AHCTF1: variants seen among roughly 807,000 people sequenced by gnomAD.
AHCTF1 encodes protein ELYS.
AHCTF1 carries 24 observed loss-of-function variants against 248.4 expected under a neutral mutation model. That is an observed-to-expected ratio of 0.10 (90% CI 0.07 to 0.14). The LOEUF (loss-of-function observed/expected upper bound fraction) is 0.14. Ranked by LOEUF, AHCTF1 falls within the 10% of genes least tolerant of loss-of-function variation. AHCTF1 has a pLI of 1.00. For missense variants in AHCTF1, 2,206 were observed against 2,636.2 expected (o/e 0.84, Z 3.57); for synonymous variants, 786 against 929.8 (o/e 0.85, Z 2.81).
chr1:246,894,910 C>T (rs1039799696), intron 13 of AHCTF1, among the ~76,000 whole-genome samples, 162 bp from the exon 14 acceptor site: 6 of 152,134 alleles, frequency 3.9e-5, no homozygotes, highest in South Asian at 2.1e-4. Context: ...CACCACACCA[C>T]GGAGCACGTC....
chr1:246,895,758 C>T, intron 13 of AHCTF1, 77 bp downstream of exon 13: 1 of 1,238,610 alleles, frequency 8.1e-7, no homozygotes, highest in Non-Finnish European at 1.1e-6. Flanking sequence ...ATTAAAATAA[C>T]TAAGAAAAAA....
At chr1:246,859,679 G>C (rs889607515) in intron 29 of AHCTF1, among the ~76,000 whole-genome samples, 1 of 152,116 alleles carries the variant, frequency 6.6e-6, no homozygotes, top group African/African-American at 2.4e-5. Context: ...GGGTCCAAGC[G>C]ATCCTCCCCT....
chr1:246,864,486 A>C (rs933925344), intron 26 of AHCTF1, among the ~76,000 whole-genome samples: 1 of 152,218 alleles, frequency 6.6e-6, no homozygotes, highest in Admixed American at 6.5e-5. Flanking sequence ...CTATTTACTA[A>C]AATTCATTAA....
chr1:246,853,740 G>A (rs1287537505), intron 31 of AHCTF1, among the ~76,000 whole-genome samples: 4 of 152,078 alleles, frequency 2.6e-5, no homozygotes, highest in African/African-American at 9.7e-5. Context: ...AGGTACAAAT[G>A]TACTCTACTA....
intron 1 of AHCTF1, among the ~76,000 whole-genome samples, chr1:246,922,357 C>G (rs1216823310): frequency 6.6e-6 from 1 of 151,956 alleles, no homozygotes; most frequent in Non-Finnish European, 1.5e-5. Context: ...AAGACTCTGT[C>G]TCAAATAAAA....
At chr1:246,882,768 C>CA (rs1357129968) in intron 21 of AHCTF1, among the ~76,000 whole-genome samples, 3 of 152,152 alleles carry the variant, frequency 2.0e-5, no homozygotes, top group Non-Finnish European at 4.4e-5. Flanking sequence ...CTGTACGGTG[C>CA]ATCATGGTTA....
At chr1:246,902,706 C>A (rs756414195) in intron 7 of AHCTF1, 31 bp from the exon 8 acceptor site, 6 of 1,540,730 alleles carry the variant, frequency 3.9e-6, no homozygotes, top group Non-Finnish European at 5.3e-6. Context: ...AAATATTAAT[C>A]TGATTCTAGG....
At chr1:246,910,534 A>G (rs894461382) in intron 4 of AHCTF1, among the ~76,000 whole-genome samples, 2 of 152,246 alleles carry the variant, frequency 1.3e-5, no homozygotes, top group African/African-American at 4.8e-5. Context: ...AGACACACAT[A>G]TAGCAAATGT....
intron 13 of AHCTF1, among the ~76,000 whole-genome samples, chr1:246,895,071 T>C (rs1321751143): frequency 6.6e-6 from 1 of 151,306 alleles, no homozygotes; most frequent in Non-Finnish European, 1.5e-5. Flanking sequence ...AGTGACAAAA[T>C]GTACAAGATT....
intron 21 of AHCTF1, among the ~76,000 whole-genome samples, chr1:246,884,983 A>G (rs1286037557): frequency 1.3e-5 from 2 of 152,162 alleles, no homozygotes; most frequent in Non-Finnish European, 2.9e-5. Flanking sequence ...TTTTCAGCAT[A>G]CTAAACCCTC....
rs750027057 is a variant in AHCTF1 at position 246,860,925 on chromosome 1, G to C, written c.4106C>G (p.Thr1369Ser). 3 of 1,611,562 alleles carry C rather than the reference G, an allele frequency of 1.9e-6. No individual in the cohort carries two copies. Among genetic ancestry groups the C allele is most frequent in the African/African-American group, 2.7e-5 (2 of 74,984 alleles). The part of the protein sequence containing the change: ...GDKDVFASEV[T>S]PSDLQKQMGN... ...CATTTGTTTCTGTAGGTCTGAAGGA[G>C]TTACTTCTGATGCAAATACATCTTT... is the stretch of plus-strand genomic sequence containing the variant. The change falls in exon 29 of 36, where the codon ACT becomes AGT. Residue 1369 changes from threonine to serine, a missense_variant. Around this residue, in one of 6 missense-constraint regions of AHCTF1, gnomAD observed 955 missense variants for 1,055.6 expected, o/e 0.90. Transcript: ENST00000648844.
intron 3 of AHCTF1, among the ~76,000 whole-genome samples, chr1:246,914,678 C>T (rs1666022676): frequency 6.6e-6 from 1 of 152,130 alleles, no homozygotes; most frequent in Admixed American, 6.5e-5. Flanking sequence ...TGAGTGTATA[C>T]TGCACCCTAC....
intron 3 of AHCTF1, among the ~76,000 whole-genome samples, chr1:246,914,995 C>G (rs1014081618): frequency 3.9e-5 from 6 of 152,200 alleles, no homozygotes; most frequent in Non-Finnish European, 8.8e-5. Flanking sequence ...TCCTCGCTGA[C>G]CCAATCCAAG....
intron 1 of AHCTF1, among the ~76,000 whole-genome samples, chr1:246,924,020 T>G (rs1335067924): frequency 2.6e-5 from 4 of 152,082 alleles, no homozygotes; most frequent in Non-Finnish European, 5.9e-5. Flanking sequence ...AAAAGAGAGA[T>G]CCGAGGTACA....
chr1:246,857,614 C>A, intron 30 of AHCTF1, 77 bp downstream of exon 30: 1 of 1,452,694 alleles, frequency 6.9e-7, no homozygotes, highest in Non-Finnish European at 9.3e-7. Context: ...CTAACATGCA[C>A]AGAATATTTT....
chr1:246,927,144 C>T (rs139268547), intron 1 of AHCTF1, among the ~76,000 whole-genome samples: 6,214 of 151,518 alleles, frequency 0.041, 243 homozygotes, highest in East Asian at 0.17. Flanking sequence ...TGCCACTGCA[C>T]TCCAGCCTGG....
chr1:246,889,919 A>G, intron 17 of AHCTF1, 47 bp downstream of exon 17: 2 of 1,412,276 alleles, frequency 1.4e-6, no homozygotes, highest in Non-Finnish European at 2.0e-6. Flanking sequence ...TATTCTGAGA[A>G]ACTTTGACTT....
chr1:246,854,361 T>C (rs1220623287), intron 31 of AHCTF1, among the ~76,000 whole-genome samples: 1 of 150,830 alleles, frequency 6.6e-6, no homozygotes, highest in Non-Finnish European at 1.5e-5. Flanking sequence ...GTTAGGAATC[T>C]ACCCGAAAGA....
intron 33 of AHCTF1, among the ~76,000 whole-genome samples, 182 bp from the exon 34 acceptor site, chr1:246,844,110 ATCATTTGGG>A (rs1228854384): frequency 6.6e-6 from 1 of 152,212 alleles, no homozygotes; most frequent in East Asian, 1.9e-4. Context: ...AAATCCCAGC[ATCATTTGGG>A]TAAGCCAAAT....
Sources: gnomAD v4.1 joint callset for allele counts (sites outside exome capture counted in the v4.1 genomes callset) on GRCh38, gnomAD v4.1.1 for gene constraint, gnomAD v4.1.1 regional missense constraint, MANE v1.5 for transcripts, NCBI Gene and HGNC (gene_info 2026-07-23, HGNC 2026-07-21) for gene names.